ASCC3: variants seen among roughly 807,000 people sequenced by gnomAD.
ASCC3 encodes the protein activating signal cointegrator 1 complex subunit 3.
A neutral mutation model predicts 256.3 loss-of-function variants in ASCC3; 158 were observed. The observed-to-expected ratio is 0.62, with a 90% confidence interval of 0.54 to 0.70. The LOEUF (loss-of-function observed/expected upper bound fraction) is 0.70, where lower values mean the gene tolerates loss of function less well. Among genes scored for constraint, ASCC3 ranks in the 30% least tolerant of loss-of-function variants. The pLI is 0.00. For synonymous variants in ASCC3, 948 were observed against 883.4 expected (o/e 1.07, Z -1.30); for missense variants, 2,259 against 2,626.0 (o/e 0.86, Z 3.05).
Position 100,655,898 on chromosome 6 carries a change from T to G in ASCC3, c.2704-80A>C, listed in dbSNP as rs1775892439. The G allele has an allele frequency of 2.0e-6, 3 of 1,529,148 alleles. No homozygotes were observed. In the South Asian group the frequency reaches 3.4e-5, roughly 17 times the overall value. The allele number at this position is 1,529,148 out of a possible 1,614,324, so 94.7% of individuals were successfully genotyped here. A position where few individuals can be genotyped will look rare whatever the true frequency, so the allele number is the denominator to read the frequency against. On this transcript the variant is annotated intron_variant, in intron 16 of 41. Transcript: ENST00000369162. ...ACATCAAAGTCCATTCTGTCAGAGG[T>G]GAAGTTTTAAAAATACATCATTATG...
intron 3 of ASCC3, among the ~76,000 whole-genome samples, chr6:100,850,343 C>T (rs924116630): frequency 2.0e-5 from 3 of 152,112 alleles, no homozygotes; most frequent in African/African-American, 7.2e-5. Context: ...TTCTTCAAGG[C>T]CTCTGATTGT....
intron 13 of ASCC3, among the ~76,000 whole-genome samples, chr6:100,690,719 CTTCA>C (rs1469399658): frequency 6.6e-6 from 1 of 152,092 alleles, no homozygotes; most frequent in Non-Finnish European, 1.5e-5. Context: ...ACTGACTAGT[CTTCA>C]TTCATGAAGT....
intron 36 of ASCC3, among the ~76,000 whole-genome samples, chr6:100,588,048 T>C (rs1270594763): frequency 6.6e-6 from 1 of 152,170 alleles, no homozygotes; most frequent in Non-Finnish European, 1.5e-5. Context: ...TGCATATGTG[T>C]ATGACTTGAG....
chr6:100,594,858 A>G (rs952137426), intron 34 of ASCC3, among the ~76,000 whole-genome samples: 20 of 152,162 alleles, frequency 1.3e-4, no homozygotes, highest in African/African-American at 4.3e-4. Context: ...TTTAAAAAAG[A>G]AGGAAATTCT....
At chr6:100,661,485 G>C (rs2114931234) in intron 16 of ASCC3, among the ~76,000 whole-genome samples, 1 of 151,814 alleles carries the variant, frequency 6.6e-6, no homozygotes, top group South Asian at 2.1e-4. Flanking sequence ...TTAAAACTTT[G>C]CAAAAGTGCC....
intron 8 of ASCC3, among the ~76,000 whole-genome samples, chr6:100,782,592 T>C (rs1012711448): frequency 6.6e-6 from 1 of 152,208 alleles, no homozygotes; most frequent in African/African-American, 2.4e-5. Flanking sequence ...CAAAATTGTG[T>C]ATGCATAAGA....
At chr6:100,777,985 G>C (rs1256772316) in intron 8 of ASCC3, among the ~76,000 whole-genome samples, 4 of 152,184 alleles carry the variant, frequency 2.6e-5, no homozygotes, top group Admixed American at 2.0e-4. Flanking sequence ...ACAAGTGAAA[G>C]GTGATGCTGG....
intron 4 of ASCC3, among the ~76,000 whole-genome samples, chr6:100,829,604 G>A (rs1005850880): frequency 1.2e-4 from 18 of 152,120 alleles, no homozygotes; most frequent in African/African-American, 4.1e-4. Context: ...TGAGGGAGCC[G>A]GCTCCGGCCT....
intron 37 of ASCC3, among the ~76,000 whole-genome samples, chr6:100,532,775 T>C (rs545347760): frequency 2.0e-5 from 3 of 152,258 alleles, no homozygotes; most frequent in Non-Finnish European, 2.9e-5. Flanking sequence ...CCTATAAACA[T>C]ATTAATATTC....
chr6:100,692,116 T>G (rs1777875069), intron 13 of ASCC3, among the ~76,000 whole-genome samples: 1 of 152,082 alleles, frequency 6.6e-6, no homozygotes, highest in African/African-American at 2.4e-5. Flanking sequence ...CCAATACTGA[T>G]CTACTTGTGG....
Position 100,540,388 on chromosome 6 carries a change from CTG to C in ASCC3, c.5551-3_5551-2del. On this transcript the variant is annotated splice_acceptor_variant and splice_polypyrimidine_tract_variant and intron_variant, in intron 36 of 41. Transcript: ENST00000369162. LOFTEE classifies it high-confidence loss of function. ...GCAAATCTGTATATTCTTCTGCATC[CTG>C]AAAAAAAAAAAAAGCCCCACATTGT... is the stretch of plus-strand genomic sequence containing the variant. 1 of 1,582,094 alleles carries C rather than the reference CTG, an allele frequency of 6.3e-7. No homozygotes were observed. Among genetic ancestry groups the C allele is most frequent in the Admixed American group, 1.8e-5 (1 of 55,726 alleles).
chr6:100,624,283 G>C (rs1165761407), intron 30 of ASCC3, among the ~76,000 whole-genome samples: 1 of 151,004 alleles, frequency 6.6e-6, no homozygotes, highest in Admixed American at 6.6e-5. Flanking sequence ...ATTTGGCAAA[G>C]CTCTCACACA....
At chr6:100,750,414 A>T (rs966343894) in intron 10 of ASCC3, among the ~76,000 whole-genome samples, 1 of 152,016 alleles carries the variant, frequency 6.6e-6, no homozygotes, top group Admixed American at 6.6e-5. Flanking sequence ...TTCCTGCTCT[A>T]TCAATAAAGT....
chr6:100,655,258 A>G (rs977687777), intron 17 of ASCC3, among the ~76,000 whole-genome samples: 2 of 151,914 alleles, frequency 1.3e-5, no homozygotes, highest in Admixed American at 6.6e-5. Flanking sequence ...CAAACTGTTA[A>G]GATAGTAACT....
intron 36 of ASCC3, among the ~76,000 whole-genome samples, chr6:100,583,266 C>G (rs957327281): frequency 8.5e-5 from 13 of 152,132 alleles, no homozygotes; most frequent in African/African-American, 2.4e-4. Flanking sequence ...ATTTCAAATC[C>G]TGTTATTGCT....
At chr6:100,553,166 T>C (rs1206724626) in intron 36 of ASCC3, among the ~76,000 whole-genome samples, 1 of 152,054 alleles carries the variant, frequency 6.6e-6, no homozygotes, top group East Asian at 1.9e-4. Context: ...TTTACTTAGT[T>C]AAGATTAATT....
At chr6:100,590,100 T>C in intron 34 of ASCC3, 41 bp from the exon 35 acceptor site, 1 of 1,393,886 alleles carries the variant, frequency 7.2e-7, no homozygotes, top group Non-Finnish European at 1.0e-6. Flanking sequence ...TTTCAAGACA[T>C]TTTCTACTAA....
Position 100,697,999 on chromosome 6 carries a change from C to T in ASCC3, c.2151+17463G>A, listed in dbSNP as rs79386237. Among the ~76,000 whole-genome samples, 877 of 152,112 alleles carry T rather than the reference C, an allele frequency of 5.8e-3. 10 individuals carry two copies. The highest frequency in any genetic ancestry group is 0.02 in the African/African-American group (843 of 41,524). On this transcript the variant is annotated intron_variant, in intron 13 of 41. Coordinates refer to ENST00000369162, the MANE Select transcript of ASCC3 (RefSeq NM_006828.4). The stretch of plus-strand genomic sequence containing the variant: ...TTCCACTGTGCTCTTTCAGTTTGTG[C>T]AGTAATTCCAGAAATCACTGATTAA...
intron 13 of ASCC3, among the ~76,000 whole-genome samples, chr6:100,688,669 GCTTGA>G (rs1777698276): frequency 6.6e-6 from 1 of 152,050 alleles, no homozygotes; most frequent in East Asian, 1.9e-4. Context: ...CTATTTTTGT[GCTTGA>G]CTTAGCTCCT....
Sources: allele counts gnomAD v4.1 joint callset (sites outside exome capture counted in the v4.1 genomes callset), GRCh38; gene constraint gnomAD v4.1.1; transcripts MANE v1.5; gene names NCBI Gene and HGNC (gene_info 2026-07-23, HGNC 2026-07-21).